The following ADARB2 variants were observed in gnomAD, a reference collection of about 807,000 sequenced individuals.
ADARB2 encodes inactive double-stranded RNA-specific editase B2.
A neutral mutation model predicts 62.2 loss-of-function variants in ADARB2; 25 were observed. That is an observed-to-expected ratio of 0.40 (90% confidence interval 0.29 to 0.56). The LOEUF (loss-of-function observed/expected upper bound fraction) is 0.56, where lower values mean the gene tolerates loss of function less well. ADARB2 is among the 20% of genes least tolerant of loss of function. The pLI, the probability that ADARB2 is intolerant of heterozygous loss-of-function variation, is 0.43. For missense variants in ADARB2, 1,071 were observed against 1,077.4 expected, an observed-to-expected ratio of 0.99 and a Z score of 0.08; for synonymous variants, 572 against 500.8, an observed-to-expected ratio of 1.14 and a Z score of -1.90.
At chr10:1,350,677 G>A (rs902151076) in intron 3 of ADARB2, among the ~76,000 whole-genome samples, 2 of 152,042 alleles carry the variant, frequency 1.3e-5, no homozygotes, top group African/African-American at 2.4e-5. Flanking sequence ...TGGCTCGTTC[G>A]GCAGCAACCC....
intron 1 of ADARB2, among the ~76,000 whole-genome samples, chr10:1,734,280 A>G (rs530943190): frequency 1.7e-4 from 24 of 143,360 alleles, no homozygotes; most frequent in African/African-American, 6.2e-4. Flanking sequence ...TGAAAGTCAT[A>G]TTCTGTGACG....
chr10:1,330,717 G>A (rs1831920860), intron 3 of ADARB2, among the ~76,000 whole-genome samples: 2 of 152,204 alleles, frequency 1.3e-5, no homozygotes, highest in Non-Finnish European at 2.9e-5. Flanking sequence ...GACACCAAAA[G>A]CACAAGTCAT....
intron 1 of ADARB2, among the ~76,000 whole-genome samples, chr10:1,497,602 T>C (rs1831709921): frequency 6.6e-6 from 1 of 152,206 alleles, no homozygotes; most frequent in Non-Finnish European, 1.5e-5. Context: ...ATTACATATA[T>C]ATGTACACAC....
chr10:1,489,470 C>A (rs2131930600), intron 1 of ADARB2, among the ~76,000 whole-genome samples: 1 of 152,204 alleles, frequency 6.6e-6, no homozygotes, highest in East Asian at 1.9e-4. Flanking sequence ...TCCTGTGAGT[C>A]CAGAGGAACA....
At chr10:1,384,752 T>G (rs2131862882) in intron 1 of ADARB2, among the ~76,000 whole-genome samples, 1 of 152,270 alleles carries the variant, frequency 6.6e-6, no homozygotes, top group Non-Finnish European at 1.5e-5. Flanking sequence ...TTTGCACTGC[T>G]GAGACAACTA....
intron 3 of ADARB2, among the ~76,000 whole-genome samples, chr10:1,295,545 C>G (rs192475880): frequency 6.6e-6 from 1 of 151,940 alleles, no homozygotes; most frequent in Non-Finnish European, 1.5e-5. Context: ...CCCTGAGTGC[C>G]GCTCTCTCTG....
intron 1 of ADARB2, among the ~76,000 whole-genome samples, chr10:1,451,988 AG>A (rs1447939289): frequency 8.5e-5 from 13 of 152,212 alleles, no homozygotes; most frequent in Non-Finnish European, 1.8e-4. Context: ...GGCTTGTTAA[AG>A]GACAGCCTTA....
chr10:1,643,936 G>A (rs762805637), intron 1 of ADARB2, among the ~76,000 whole-genome samples: 11 of 152,100 alleles, frequency 7.2e-5, no homozygotes, highest in Non-Finnish European at 1.6e-4. Context: ...AAAGTAGGGC[G>A]GTGTGATCTC....
chr10:1,324,912 C>T (rs1435222427), intron 3 of ADARB2, among the ~76,000 whole-genome samples: 2 of 152,166 alleles, frequency 1.3e-5, no homozygotes, highest in Non-Finnish European at 2.9e-5. Context: ...TTGTCAATGC[C>T]TGTCTGTCTG....
At chr10:1,461,226 T>A (rs535113927) in intron 1 of ADARB2, among the ~76,000 whole-genome samples, 49 of 152,258 alleles carry the variant, frequency 3.2e-4, no homozygotes, top group Non-Finnish European at 6.6e-4. Flanking sequence ...CCAGACCGAA[T>A]TATTTCTGTG....
intron 1 of ADARB2, among the ~76,000 whole-genome samples, chr10:1,599,713 CCT>C (rs1833383157): frequency 6.6e-6 from 1 of 152,142 alleles, no homozygotes; most frequent in Non-Finnish European, 1.5e-5. Context: ...AGTATCCCTT[CCT>C]CTGTCTGGAA....
intron 3 of ADARB2, among the ~76,000 whole-genome samples, chr10:1,347,586 G>A (rs958417253): frequency 1.3e-5 from 2 of 152,186 alleles, no homozygotes; most frequent in African/African-American, 4.8e-5. Flanking sequence ...CCACTGAAGA[G>A]CACACAGATC....
At chr10:1,251,631 G>C (rs937680995) in intron 4 of ADARB2, among the ~76,000 whole-genome samples, 4 of 152,208 alleles carry the variant, frequency 2.6e-5, no homozygotes, top group Non-Finnish European at 5.9e-5. Flanking sequence ...AAGGGATAAT[G>C]TATAAACTTG....
intron 3 of ADARB2, among the ~76,000 whole-genome samples, chr10:1,356,159 G>C (rs1187174672): frequency 6.6e-6 from 1 of 152,188 alleles, no homozygotes; most frequent in Non-Finnish European, 1.5e-5. Flanking sequence ...AAGCCAGAAG[G>C]TTTGGGGATG....
intron 3 of ADARB2, among the ~76,000 whole-genome samples, chr10:1,346,104 G>T (rs1278213080): frequency 1.3e-5 from 2 of 152,146 alleles, no homozygotes; most frequent in Admixed American, 1.3e-4. Flanking sequence ...CTGTTGTTCT[G>T]TTCGCCTTTA....
At chr10:1,259,418 G>A (rs977124962) in intron 4 of ADARB2, among the ~76,000 whole-genome samples, 100 of 152,100 alleles carry the variant, frequency 6.6e-4, no homozygotes, top group African/African-American at 2.3e-3. Context: ...TAATAAAGAA[G>A]AAAAGAGAGA....
At chr10:1,518,208 G>T (rs748993001) in intron 1 of ADARB2, among the ~76,000 whole-genome samples, 1 of 152,120 alleles carries the variant, frequency 6.6e-6, no homozygotes, top group African/African-American at 2.4e-5. Context: ...CATGAGCTTC[G>T]GTCTCAGCCC....
rs372057363 is a variant in ADARB2, at chr10:1,327,023, A to C, written c.1077+36005T>G. 4.9e-3 allele frequency among the ~76,000 whole-genome samples: 112 copies of C among 22,876 alleles called. 3 individuals carry two copies. Among genetic ancestry groups the C allele is most frequent in the Admixed American group, 6.2e-3 (17 of 2,736 alleles). The allele number at this position is 22,876 out of a possible 152,430, so 15.0% of individuals were successfully genotyped here. A position where few individuals can be genotyped will look rare whatever the true frequency, so the allele number is the denominator to read the frequency against. ...CCACTGCCCAGCGCCTCCCCACGGC[A>C]CAGCGCCTCCCCACTGCCCAGCGCC... is the stretch of plus-strand genomic sequence containing the variant. On this transcript the variant is annotated intron_variant, in intron 3 of 9. Transcript: ENST00000381312.
intron 1 of ADARB2, among the ~76,000 whole-genome samples, chr10:1,569,502 T>A (rs140352644): frequency 6.6e-6 from 1 of 152,266 alleles, no homozygotes; most frequent in East Asian, 1.9e-4. Context: ...CCTAACGAGG[T>A]CAGCAAAGGT....
Sources: allele counts gnomAD v4.1 joint callset (sites outside exome capture counted in the v4.1 genomes callset), GRCh38; gene constraint gnomAD v4.1.1; transcripts MANE v1.5; gene names NCBI Gene and HGNC (gene_info 2026-07-23, HGNC 2026-07-21).